The following STK32B variants were observed in gnomAD, a reference collection of about 807,000 sequenced individuals.
STK32B encodes serine/threonine kinase 32B, also known as serine/threonine-protein kinase 32B.
In STK32B, 43 loss-of-function variants were observed where a neutral mutation model predicts 52.6. The ratio of observed to expected loss-of-function variants is 0.82; its 90% CI spans 0.64 to 1.05. The LOEUF (loss-of-function observed/expected upper bound fraction) is 1.05, where lower values mean the gene tolerates loss of function less well. Among genes scored for constraint, STK32B ranks in the 50% least tolerant of loss-of-function variants. The probability of loss-of-function intolerance (pLI) is 0.00; values close to 1 mark genes in which losing one functional copy is unlikely to be tolerated. For synonymous variants in STK32B, 238 were observed against 204.3 expected (o/e 1.17, Z -1.41); for missense variants, 621 against 534.6 (o/e 1.16, Z -1.59).
intron 3 of STK32B, among the ~76,000 whole-genome samples, chr4:5,175,577 C>G (rs761729977): frequency 1.3e-5 from 2 of 152,212 alleles, no homozygotes; most frequent in South Asian, 4.1e-4. Flanking sequence ...CTCCAGACCC[C>G]GTTTCCCTGG....
intron 3 of STK32B, among the ~76,000 whole-genome samples, chr4:5,191,483 T>G (rs1013048056): frequency 1.3e-5 from 2 of 152,244 alleles, no homozygotes; most frequent in Admixed American, 1.3e-4. Context: ...CTCAATCTCC[T>G]GACCTCGTGA....
intron 1 of STK32B, among the ~76,000 whole-genome samples, chr4:5,124,184 A>G (rs1715225099): frequency 6.6e-6 from 1 of 152,110 alleles, no homozygotes; most frequent in South Asian, 2.1e-4. Flanking sequence ...CACTCCCTCA[A>G]ATTACATAAT....
At chr4:5,415,368 C>A (rs1330681755) in intron 5 of STK32B, among the ~76,000 whole-genome samples, 1 of 152,158 alleles carries the variant, frequency 6.6e-6, no homozygotes, top group African/African-American at 2.4e-5. Context: ...CAAGGTTATA[C>A]AGCTACTCCC....
intron 4 of STK32B, among the ~76,000 whole-genome samples, chr4:5,370,930 G>A (rs921816380): frequency 3.3e-5 from 5 of 151,516 alleles, no homozygotes; most frequent in African/African-American, 9.7e-5. Context: ...CCATGATCAT[G>A]CCACTGCACT....
At chr4:5,330,262 C>T (rs752676653) in intron 3 of STK32B, among the ~76,000 whole-genome samples, 8 of 152,128 alleles carry the variant, frequency 5.3e-5, no homozygotes, top group Non-Finnish European at 1.2e-4. Context: ...TTACATGATT[C>T]AATTATTATA....
Position 5,398,333 on chromosome 4 carries a change from T to C in STK32B, c.472+89T>C, listed in dbSNP as rs189584724. On this transcript the variant is annotated intron_variant, in intron 5 of 11. Coordinates refer to ENST00000282908, the MANE Select transcript of STK32B (RefSeq NM_018401.3). This position sits in a 1 kb window ranked among gnomAD's most constrained non-coding sequence, Gnocchi z 4.9. ...TGCGGGGGTGGGGGTTGGGTCTTGC[T>C]GAGTTGGACATTAGCATTGGCTAGA... 2 of 1,392,324 alleles carry C rather than the reference T, an allele frequency of 1.4e-6. No individual in the cohort carries two copies. Among genetic ancestry groups the C allele is most frequent in the African/African-American group, 1.4e-5 (1 of 70,122 alleles). The allele number at this position is 1,392,324 out of a possible 1,614,324, so 86.2% of individuals were successfully genotyped here. A position where few individuals can be genotyped will look rare whatever the true frequency, so the allele number is the denominator to read the frequency against.
At chr4:5,061,783 C>T (rs1326982511) in intron 1 of STK32B, among the ~76,000 whole-genome samples, 1 of 152,154 alleles carries the variant, frequency 6.6e-6, no homozygotes, top group Non-Finnish European at 1.5e-5. Context: ...ACCAAGCCTC[C>T]TCCTCTTTGG....
At position 5,398,423 on chromosome 4, in the gene STK32B, G is replaced by A. The variant is rs145677320; in HGVS notation, c.472+179G>A. ...GTAAATTTCTGGTCCATGTCCTGCC[G>A]TGGTAAGTTGAATCAAAGTTATTTA... On this transcript the variant is annotated intron_variant, in intron 5 of 11. Coordinates refer to ENST00000282908, the MANE Select transcript of STK32B (RefSeq NM_018401.3). The surrounding 1 kb of genome is among the most constrained non-coding windows in gnomAD (Gnocchi z 4.9). Among the ~76,000 whole-genome samples, 39 of 152,276 alleles carry A rather than the reference G, an allele frequency of 2.6e-4. No homozygotes were observed. The highest frequency in any genetic ancestry group is 7.7e-4 in the African/African-American group (32 of 41,552).
upstream of STK32B, among the ~76,000 whole-genome samples, chr4:5,048,066 C>T (rs190786353): frequency 6.6e-6 from 1 of 152,032 alleles, no homozygotes; most frequent in Non-Finnish European, 1.5e-5. Flanking sequence ...AGCATGGAGA[C>T]TCTGGAGATT....
the STK32B span, among the ~76,000 whole-genome samples, chr4:5,029,055 C>T: frequency 6.6e-6 from 1 of 152,128 alleles, no homozygotes; most frequent in Non-Finnish European, 1.5e-5. Context: ...TGGTGCTAAA[C>T]CATTCAGGAG....
chr4:5,311,925 A>T (rs1730321131), intron 3 of STK32B, among the ~76,000 whole-genome samples: 1 of 142,306 alleles, frequency 7.0e-6, no homozygotes, highest in South Asian at 2.3e-4. Flanking sequence ...TTTTTTTTTA[A>T]AGTTTATTCT....
chr4:5,143,768 AGGT>A (rs201087383), intron 2 of STK32B, among the ~76,000 whole-genome samples: 48,561 of 151,218 alleles, frequency 0.32, 9,198 homozygotes, highest in Non-Finnish European at 0.43. Context: ...AGGATCCAGA[AGGT>A]GGATCTTAGC....
intron 4 of STK32B, among the ~76,000 whole-genome samples, chr4:5,341,500 C>T (rs1733072940): frequency 6.6e-6 from 1 of 152,186 alleles, no homozygotes; most frequent in African/African-American, 2.4e-5. Context: ...CACATACTTT[C>T]CCAAAGCATT....
chr4:5,332,589 G>C (rs566303152), intron 4 of STK32B, among the ~76,000 whole-genome samples: 1 of 152,078 alleles, frequency 6.6e-6, no homozygotes, highest in African/African-American at 2.4e-5. Context: ...CTGGTGTGCT[G>C]CACCCAATAA....
chr4:5,132,170 A>G (rs1167546778), intron 1 of STK32B, among the ~76,000 whole-genome samples: 1 of 152,144 alleles, frequency 6.6e-6, no homozygotes, highest in African/African-American at 2.4e-5. Context: ...TATCCAGTCT[A>G]TTGTTGATAG....
intron 9 of STK32B, among the ~76,000 whole-genome samples, chr4:5,462,187 G>A (rs1156331996): frequency 6.6e-6 from 1 of 151,872 alleles, no homozygotes; most frequent in Non-Finnish European, 1.5e-5. Flanking sequence ...GTATGTCTGT[G>A]TGCATGCCCG....
intron 3 of STK32B, among the ~76,000 whole-genome samples, chr4:5,275,582 G>A (rs72613192): frequency 0.017 from 2,633 of 151,854 alleles, 42 homozygotes; most frequent in East Asian, 0.071. Context: ...ACTCCTGTTC[G>A]TGCCTCAGAT....
intron 1 of STK32B, among the ~76,000 whole-genome samples, chr4:5,118,176 A>G (rs1333058658): frequency 1.3e-5 from 2 of 152,168 alleles, no homozygotes; most frequent in Non-Finnish European, 2.9e-5. Flanking sequence ...CATTGATGCT[A>G]TAAGGTCCTG....
intron 9 of STK32B, among the ~76,000 whole-genome samples, chr4:5,461,659 G>A (rs1717034893): frequency 6.6e-6 from 1 of 152,188 alleles, no homozygotes; most frequent in Non-Finnish European, 1.5e-5. Context: ...CTGGTCCAGG[G>A]CTGGCCCTGC....
Sources: allele counts gnomAD v4.1 joint callset (sites outside exome capture counted in the v4.1 genomes callset), GRCh38; gene constraint gnomAD v4.1.1; non-coding constraint Gnocchi (gnomAD v3.1); transcripts MANE v1.5; gene names NCBI Gene and HGNC (gene_info 2026-07-23, HGNC 2026-07-21).